Variants in ANO4 observed in about 807,000 individuals in gnomAD.
ANO4 encodes the protein anoctamin 4, also known as anoctamin-4.
Under a neutral mutation model 141.9 loss-of-function variants are expected in ANO4, and 69 were observed. That is an observed-to-expected ratio of 0.49 (90% CI 0.40 to 0.59). The LOEUF is 0.59. Ranked by LOEUF, ANO4 falls within the 20% of genes least tolerant of loss-of-function variation. The pLI, the probability that ANO4 is intolerant of heterozygous loss-of-function variation, is 0.00. For missense variants in ANO4, 894 were observed against 1,162.2 expected, an observed-to-expected ratio of 0.77 and a Z score of 3.36; for synonymous variants, 350 against 394.3, an observed-to-expected ratio of 0.89 and a Z score of 1.33.
chr12:101,106,879 G>C (rs1449351419), intron 22 of ANO4, among the ~76,000 whole-genome samples: 1 of 123,364 alleles, frequency 8.1e-6, no homozygotes, highest in African/African-American at 4.0e-5. Flanking sequence ...TATGCTACAA[G>C]TCTCTTCCCT....
chr12:100,848,692 T>C (rs1027879475), intron 1 of ANO4, among the ~76,000 whole-genome samples: 3 of 152,188 alleles, frequency 2.0e-5, no homozygotes, highest in Non-Finnish European at 4.4e-5. Context: ...CTCACACTCT[T>C]CTACTGAGCC....
rs1269560929 is a variant in ANO4, at chr12:100,919,159, C to A, written c.56-3067C>A. Among the ~76,000 whole-genome samples, 3 of 151,440 alleles carry A rather than the reference C, an allele frequency of 2.0e-5. No individual in the cohort carries two copies. The East Asian group carries it at 5.8e-4, about 29-fold the overall frequency. ...AAAACAGTCAAAAGTTAAAAAAAATCTAAAAGGTTACAAAGTAAAAACTTA... is the reference window on the plus strand; with the variant it reads ...AAAACAGTCAAAAGTTAAAAAAAATATAAAAGGTTACAAAGTAAAAACTTA... On this transcript the variant is annotated intron_variant, in intron 2 of 27. Coordinates refer to ENST00000392977, the MANE Select transcript of ANO4 (RefSeq NM_001286615.2).
At chr12:101,046,264 C>A (rs538237403) in intron 13 of ANO4, among the ~76,000 whole-genome samples, 1 of 152,356 alleles carries the variant, frequency 6.6e-6, no homozygotes, top group South Asian at 2.1e-4. Flanking sequence ...GGGCAGCTAT[C>A]CAGGTAGCAC....
Position 101,096,654 on chromosome 12 carries a change from A to C in ANO4, c.1850+7A>C, listed in dbSNP as rs541161461. ...TCGCATTCTTCCTCGGAAGGTAAGA[A>C]CCTGACCCCTGCACACCTCCCCAAG... On this transcript the variant is annotated splice_region_variant and intron_variant, in intron 19 of 27. Transcript: ENST00000392977. 8.7e-6 allele frequency: 14 copies of C among 1,606,254 alleles called. No individual in the cohort carries two copies. The Admixed American group carries it at 2.3e-4, about 27-fold the overall frequency.
At chr12:100,946,990 G>T (rs1252045861) in intron 5 of ANO4, among the ~76,000 whole-genome samples, 1 of 152,204 alleles carries the variant, frequency 6.6e-6, no homozygotes, top group Non-Finnish European at 1.5e-5. Context: ...GGTTTGGGTG[G>T]TCTGGGCAAG....
intron 1 of ANO4, among the ~76,000 whole-genome samples, chr12:100,818,972 T>C (rs998522839): frequency 1.3e-5 from 2 of 151,782 alleles, no homozygotes; most frequent in African/African-American, 4.8e-5. Context: ...CTCTTCCCTA[T>C]GTATCTATCA....
chr12:101,104,613 GTGTATGTATGTGTGTA>G (rs1316745045), intron 22 of ANO4, among the ~76,000 whole-genome samples: 11 of 88,102 alleles, frequency 1.2e-4, no homozygotes, highest in East Asian at 3.0e-4. Flanking sequence ...GTGTGTGTGT[GTGTATGTATGTGTGTA>G]TATATATATA....
chr12:101,012,168 A>C (rs1371602006), intron 8 of ANO4, among the ~76,000 whole-genome samples: 1 of 152,100 alleles, frequency 6.6e-6, no homozygotes, highest in African/African-American at 2.4e-5. Flanking sequence ...GAATCACATG[A>C]TTTACTTATT....
chr12:101,104,021 G>A (rs2050311695), intron 22 of ANO4, among the ~76,000 whole-genome samples: 1 of 151,808 alleles, frequency 6.6e-6, no homozygotes, highest in Admixed American at 6.6e-5. Context: ...AAACTTAGCA[G>A]CGTAAAATTG....
rs115749451 is a variant in ANO4, at chr12:101,060,973, G to A, written c.1312+12572G>A. ...TTAGTTGAGGTAGTTTCTTCATAGC[G>A]TCAATAGTCTTGACAATTTGGTATG... On this transcript the variant is annotated intron_variant, in intron 14 of 27. Transcript: ENST00000392977. Among the ~76,000 whole-genome samples, 982 of 152,170 alleles carry A rather than the reference G, an allele frequency of 6.5e-3. 10 individuals are homozygous for A. The highest frequency in any genetic ancestry group is 0.022 in the African/African-American group (929 of 41,516).
rs1364694164 is a variant in ANO4 at position 101,096,633 on chromosome 12, AT to A, written c.1838del (p.Phe613SerfsTer14). 1 of 1,612,998 alleles carries A rather than the reference AT, an allele frequency of 6.2e-7. No individual in the cohort carries two copies. The highest frequency in any genetic ancestry group is 8.5e-7 in the Non-Finnish European group (1 of 1,179,250). On this transcript the variant is annotated frameshift_variant, in exon 19 of 28. Transcript: ENST00000392977. LOFTEE classifies it high-confidence loss of function. ...NLNSSTFYIA[F>X]FLGRFTGHPG... ...TGAACAGCTCCACATTTTACATCGC[AT>A]TCTTCCTCGGAAGGTAAGAACCTGA... is the stretch of plus-strand genomic sequence containing the variant.
chr12:100,717,540 C>T (rs118038390), exon 1 of ANO4: 4,224 of 399,610 alleles, frequency 0.011, 122 homozygotes, highest in East Asian at 0.085. Flanking sequence ...CCTCCCTCAC[C>T]GCATACGGTA....
At chr12:101,054,167 C>T (rs1422109288) in intron 14 of ANO4, among the ~76,000 whole-genome samples, 2 of 152,112 alleles carry the variant, frequency 1.3e-5, no homozygotes, top group African/African-American at 2.4e-5. Flanking sequence ...AATAGAAGAA[C>T]GGTTTGGTAA....
chr12:100,760,709 A>G (rs2032818157), intron 3 of ANO4, among the ~76,000 whole-genome samples: 1 of 152,116 alleles, frequency 6.6e-6, no homozygotes, highest in African/African-American at 2.4e-5. Flanking sequence ...TTTTGGTTAC[A>G]CCCATGTCAG....
At chr12:100,823,110 A>C (rs1247556015) in intron 1 of ANO4, among the ~76,000 whole-genome samples, 1 of 152,066 alleles carries the variant, frequency 6.6e-6, no homozygotes, top group Non-Finnish European at 1.5e-5. Flanking sequence ...CTGCAACTGT[A>C]CTTAGGTTCA....
At chr12:100,906,517 G>A (rs1033646607) in intron 2 of ANO4, among the ~76,000 whole-genome samples, 3 of 152,056 alleles carry the variant, frequency 2.0e-5, no homozygotes, top group African/African-American at 7.3e-5. Flanking sequence ...GTAATGACAA[G>A]GTTTAGGCCA....
At position 101,099,721 on chromosome 12, in the gene ANO4, G is replaced by T; in HGVS notation, c.2149+1G>T. On this transcript the variant is annotated splice_donor_variant, in intron 22 of 27. Coordinates refer to ENST00000392977, the MANE Select transcript of ANO4 (RefSeq NM_001286615.2). LOFTEE classifies it high-confidence loss of function. Reference sequence around the variant, plus strand: ...CTCTTCGATGAATACTTAGAAATGAGTATGGAAATATTCTACTTTATCTTA... The same window carrying T: ...CTCTTCGATGAATACTTAGAAATGATTATGGAAATATTCTACTTTATCTTA... 1.9e-6 allele frequency: 3 copies of T among 1,553,848 alleles called. No individual in the cohort carries two copies. The highest frequency in any genetic ancestry group is 2.6e-6 in the Non-Finnish European group (3 of 1,159,196).
At chr12:100,809,194 C>G (rs1223534898) in intron 1 of ANO4, among the ~76,000 whole-genome samples, 2 of 152,088 alleles carry the variant, frequency 1.3e-5, no homozygotes, top group African/African-American at 4.8e-5. Flanking sequence ...CCAGACCCAC[C>G]TGGCCAACAT....
At chr12:100,727,630 A>G (rs1043585696) in intron 1 of ANO4, among the ~76,000 whole-genome samples, 1 of 152,116 alleles carries the variant, frequency 6.6e-6, no homozygotes, top group African/African-American at 2.4e-5. Flanking sequence ...TCCATCTCAT[A>G]GTCTCTTAAA....
Sources: allele counts gnomAD v4.1 joint callset (sites outside exome capture counted in the v4.1 genomes callset), GRCh38; gene constraint gnomAD v4.1.1; transcripts MANE v1.5; gene names NCBI Gene and HGNC (gene_info 2026-07-23, HGNC 2026-07-21).